SSBP3: variants seen among roughly 807,000 people sequenced by gnomAD.
SSBP3 encodes single stranded DNA binding protein 3.
Under a neutral mutation model 69.6 loss-of-function variants are expected in SSBP3, and 5 were observed. The observed-to-expected ratio is 0.07, with a 90% CI of 0.04 to 0.15. The LOEUF is 0.15. Ranked by LOEUF, SSBP3 falls within the 10% of genes least tolerant of loss-of-function variation. The pLI is 1.00. For synonymous variants in SSBP3, 196 were observed against 193.4 expected (o/e 1.01, Z -0.11); for missense variants, 312 against 534.0 (o/e 0.58, Z 4.10).
intron 14 of SSBP3, among the ~76,000 whole-genome samples, chr1:54,234,215 G>A (rs1644445091): frequency 1.3e-5 from 2 of 150,272 alleles, no homozygotes; most frequent in South Asian, 4.3e-4. Flanking sequence ...ACTGCGGAAG[G>A]CCGCAGGGTC....
chr1:54,265,899 G>A (rs930110109), intron 5 of SSBP3, among the ~76,000 whole-genome samples: 3 of 152,216 alleles, frequency 2.0e-5, no homozygotes, highest in African/African-American at 7.2e-5. Context: ...TGCACCATTA[G>A]GAATCTGGCT....
At chr1:54,254,902 G>A (rs573029615) in intron 7 of SSBP3, among the ~76,000 whole-genome samples, 80 of 151,984 alleles carry the variant, frequency 5.3e-4, no homozygotes, top group African/African-American at 1.9e-3. Context: ...GCGCAATCTC[G>A]GCTCACTGCA....
chr1:54,316,165 T>C (rs1004964580), intron 4 of SSBP3, among the ~76,000 whole-genome samples: 2 of 139,762 alleles, frequency 1.4e-5, no homozygotes, highest in African/African-American at 5.3e-5. Context: ...TAGCACACAG[T>C]GAAACCCCAA....
At chr1:54,386,204 C>T (rs1038991906) in intron 4 of SSBP3, among the ~76,000 whole-genome samples, 2 of 152,156 alleles carry the variant, frequency 1.3e-5, no homozygotes, top group African/African-American at 4.8e-5. Context: ...AGTCAGGGGC[C>T]TAGGGTTACA....
upstream of SSBP3, among the ~76,000 whole-genome samples, chr1:54,408,957 T>G (rs140393030): frequency 6.6e-6 from 1 of 152,244 alleles, no homozygotes; most frequent in Non-Finnish European, 1.5e-5. Flanking sequence ...GGAGAGTGTC[T>G]TAGCCACCCC....
At chr1:54,267,099 A>C (rs1016722535) in intron 5 of SSBP3, among the ~76,000 whole-genome samples, 1 of 152,192 alleles carries the variant, frequency 6.6e-6, no homozygotes, top group Non-Finnish European at 1.5e-5. Context: ...GAATTCACAA[A>C]GAATTAGATC....
chr1:54,233,559 G>A lies in SSBP3; in HGVS notation c.928-4733C>T, dbSNP rs562987718. ...GGTGGGGGGGGTAAGCCCCCCGCCC[G>A]GCCAGCCGCCCCGTCGGGGAGGGAG... On this transcript the variant is annotated intron_variant, in intron 14 of 17. Coordinates refer to ENST00000610401, the Ensembl canonical transcript of SSBP3. Among the ~76,000 whole-genome samples, 1,167 of 142,744 alleles carry A rather than the reference G, an allele frequency of 8.2e-3. 14 individuals carry two copies. The highest frequency in any genetic ancestry group is 0.028 in the African/African-American group (1,078 of 38,372). The allele number at this position is 142,744 out of a possible 152,430, so 93.6% of individuals were successfully genotyped here.
chr1:54,380,114 T>C (rs1647501839), intron 4 of SSBP3, among the ~76,000 whole-genome samples: 2 of 152,134 alleles, frequency 1.3e-5, no homozygotes, highest in Non-Finnish European at 2.9e-5. Flanking sequence ...TCCAGGCTCC[T>C]CCCTCTCCTA....
At chr1:54,328,168 C>A (rs560942540) in intron 4 of SSBP3, among the ~76,000 whole-genome samples, 1 of 152,274 alleles carries the variant, frequency 6.6e-6, no homozygotes, top group Non-Finnish European at 1.5e-5. Flanking sequence ...CCTCATCTCC[C>A]ATCCTCTCTC....
chr1:54,391,678 C>T (rs532477511), intron 4 of SSBP3, among the ~76,000 whole-genome samples: 5 of 152,316 alleles, frequency 3.3e-5, no homozygotes, highest in South Asian at 2.1e-4. Context: ...AAATGTCAGG[C>T]GCTTCACCCA....
At chr1:54,304,143 C>T (rs908157412) in intron 4 of SSBP3, among the ~76,000 whole-genome samples, 12 of 152,298 alleles carry the variant, frequency 7.9e-5, no homozygotes, top group South Asian at 2.1e-4. Context: ...GGAGCCATGA[C>T]GAGTTCTGAA....
At chr1:54,334,978 C>T (rs1169909242) in intron 4 of SSBP3, among the ~76,000 whole-genome samples, 1 of 152,148 alleles carries the variant, frequency 6.6e-6, no homozygotes, top group Non-Finnish European at 1.5e-5. Flanking sequence ...GGAGGCTGAA[C>T]TAATAAGCTC....
At chr1:54,397,909 G>GACTC (rs1649008256) in intron 4 of SSBP3, among the ~76,000 whole-genome samples, 1 of 152,148 alleles carries the variant, frequency 6.6e-6, no homozygotes, top group African/African-American at 2.4e-5. Flanking sequence ...CTCTGCCAGT[G>GACTC]ACTCCACAAT....
chr1:54,238,247 A>G (rs1449842454), intron 14 of SSBP3: 4 of 470,948 alleles, frequency 8.5e-6, no homozygotes, highest in Admixed American at 7.0e-5. Context: ...TCAGGAACGG[A>G]GCCAACAAAA....
At chr1:54,380,746 CATGGGGTTGGGGGTGTTGG>C (rs1279431405) in intron 4 of SSBP3, among the ~76,000 whole-genome samples, 1 of 152,158 alleles carries the variant, frequency 6.6e-6, no homozygotes, top group African/African-American at 2.4e-5. Context: ...CACCCCCAAC[CATGGGGTTGGGGGTGTTGG>C]TAAAGCCTAG....
At chr1:54,346,822 A>G (rs1646698690) in intron 4 of SSBP3, among the ~76,000 whole-genome samples, 1 of 151,836 alleles carries the variant, frequency 6.6e-6, no homozygotes, top group Admixed American at 6.6e-5. Context: ...CTCAAGGAAA[A>G]AAAAAAAAAA....
chr1:54,379,189 C>T (rs574017644), intron 4 of SSBP3, among the ~76,000 whole-genome samples: 109 of 152,360 alleles, frequency 7.2e-4, no homozygotes, highest in African/African-American at 2.4e-3. Context: ...ACACTTGCTA[C>T]GCAGGAGCGA....
At chr1:54,368,288 CA>C (rs57721486) in intron 4 of SSBP3, among the ~76,000 whole-genome samples, 19,606 of 68,982 alleles carry the variant, frequency 0.28, 1,180 homozygotes, top group African/African-American at 0.36. Flanking sequence ...GACTCCATCT[CA>C]AAAAAAAAAA....
chr1:54,320,790 A>T (rs1420707261), intron 4 of SSBP3, among the ~76,000 whole-genome samples: 1 of 152,190 alleles, frequency 6.6e-6, no homozygotes, highest in African/African-American at 2.4e-5. Flanking sequence ...AGATAGCTTC[A>T]ATCCACACAC....
Sources: gnomAD v4.1 joint callset for allele counts (sites outside exome capture counted in the v4.1 genomes callset) on GRCh38, gnomAD v4.1.1 for gene constraint, MANE v1.5 for transcripts, NCBI Gene and HGNC (gene_info 2026-07-23, HGNC 2026-07-21) for gene names.